RBPJ: variants seen among roughly 807,000 people sequenced by gnomAD.
The protein encoded by RBPJ is recombination signal binding protein for immunoglobulin kappa J region.
In RBPJ, 9 loss-of-function variants were observed where a neutral mutation model predicts 67.8. That is an observed-to-expected ratio of 0.13 (90% CI 0.08 to 0.23). The LOEUF is 0.23. Among genes scored for constraint, RBPJ ranks in the 10% least tolerant of loss-of-function variants. The pLI, the probability that RBPJ is intolerant of heterozygous loss-of-function variation, is 1.00. For synonymous variants in RBPJ, 198 were observed against 203.3 expected (o/e 0.97, Z 0.22); for missense variants, 305 against 595.6 (o/e 0.51, Z 5.08).
At chr4:26,341,527 T>A (rs904111612) in intron 1 of RBPJ, among the ~76,000 whole-genome samples, 1 of 151,912 alleles carries the variant, frequency 6.6e-6, no homozygotes, top group Non-Finnish European at 1.5e-5. Context: ...GACAGAAGAA[T>A]CACTTGTTAC....
intron 1 of RBPJ, among the ~76,000 whole-genome samples, chr4:26,361,409 A>C (rs1373780283): frequency 6.6e-6 from 1 of 152,186 alleles, no homozygotes; most frequent in Non-Finnish European, 1.5e-5. Flanking sequence ...CATCAGTTAC[A>C]TCTACTCTTT....
chr4:26,319,824 A>T (rs758620188), upstream of RBPJ: 1 of 1,540,786 alleles, frequency 6.5e-7, no homozygotes, highest in Non-Finnish European at 9.0e-7. Flanking sequence ...TGCGGGAGGC[A>T]GTGCTGGATC....
intron 1 of RBPJ, among the ~76,000 whole-genome samples, chr4:26,344,515 G>A (rs903406557): frequency 6.6e-6 from 1 of 152,172 alleles, no homozygotes; most frequent in Non-Finnish European, 1.5e-5. Context: ...GATTACAGGC[G>A]TGAGCCACCG....
intron 7 of RBPJ, among the ~76,000 whole-genome samples, chr4:26,425,722 A>G (rs1735586208): frequency 6.6e-6 from 1 of 152,208 alleles, no homozygotes; most frequent in Non-Finnish European, 1.5e-5. Flanking sequence ...TCCTTTTCTC[A>G]AACAATATAA....
intron 1 of RBPJ, among the ~76,000 whole-genome samples, chr4:26,206,117 A>T (rs1718161761): frequency 6.6e-6 from 1 of 152,178 alleles, no homozygotes; most frequent in Non-Finnish European, 1.5e-5. Flanking sequence ...CTTCTAGAAA[A>T]TCCCAACTGC....
chr4:26,429,309 A>G lies in RBPJ; in HGVS notation c.888+449A>G, dbSNP rs573225661. ...GAAAGCTAATGTTTTACATTTACTC[A>G]GAAGGCTTTCATGAGGTTATGACAT... On this transcript the variant is annotated intron_variant, in intron 8 of 10. Transcript: ENST00000355476. 3.2e-4 allele frequency among the ~76,000 whole-genome samples: 49 copies of G among 152,376 alleles called. 1 individual carries two copies. Among genetic ancestry groups the G allele is most frequent in the Non-Finnish European group, 6.0e-4 (41 of 68,044 alleles).
intron 1 of RBPJ, among the ~76,000 whole-genome samples, chr4:26,342,492 T>C (rs1294198068): frequency 1.3e-5 from 2 of 152,208 alleles, no homozygotes; most frequent in South Asian, 2.1e-4. Context: ...TAGTGTAATT[T>C]AGTATGTGGT....
At chr4:26,210,763 CT>C (rs1560212248) in intron 1 of RBPJ, among the ~76,000 whole-genome samples, 45 of 115,654 alleles carry the variant, frequency 3.9e-4, no homozygotes, top group South Asian at 5.6e-4. Context: ...TTCTTTCTTT[CT>C]TTCTTTCTTT....
chr4:26,299,672 C>CTTTTTTTT (rs397879662), intron 1 of RBPJ, among the ~76,000 whole-genome samples: 2 of 85,292 alleles, frequency 2.3e-5, no homozygotes, highest in South Asian at 4.1e-4. Context: ...AGACTGTGTG[C>CTTTTTTTT]TTTTTTTTTT....
At chr4:26,224,588 C>A (rs1032548845) in intron 1 of RBPJ, among the ~76,000 whole-genome samples, 1 of 152,084 alleles carries the variant, frequency 6.6e-6, no homozygotes, top group African/African-American at 2.4e-5. Context: ...GAACTCCTGA[C>A]CTCAAGAGAT....
At chr4:26,308,056 C>A (rs1210532277) in intron 1 of RBPJ, among the ~76,000 whole-genome samples, 1 of 152,194 alleles carries the variant, frequency 6.6e-6, no homozygotes, top group African/African-American at 2.4e-5. Flanking sequence ...GCAGGCGGAT[C>A]ATGAGGTCAG....
At chr4:26,162,446 C>G (rs529022263), upstream of RBPJ, among the ~76,000 whole-genome samples, 2 of 152,368 alleles carry the variant, frequency 1.3e-5, no homozygotes, top group African/African-American at 4.8e-5. Context: ...CAAGGCCACT[C>G]TGCTAATTCA....
the RBPJ span, among the ~76,000 whole-genome samples, chr4:26,132,415 C>T: frequency 6.6e-5 from 10 of 151,878 alleles, no homozygotes; most frequent in African/African-American, 2.2e-4. Flanking sequence ...GTGTGCCCAC[C>T]TGAGCTCCCT....
At chr4:26,246,559 C>T (rs1374813462) in intron 1 of RBPJ, among the ~76,000 whole-genome samples, 1 of 152,188 alleles carries the variant, frequency 6.6e-6, no homozygotes, top group African/African-American at 2.4e-5. Context: ...ATGCCACTGA[C>T]ATTAACCAAG....
chr4:26,311,593 C>A (rs189087330), intron 1 of RBPJ, among the ~76,000 whole-genome samples: 1 of 151,944 alleles, frequency 6.6e-6, no homozygotes, highest in Non-Finnish European at 1.5e-5. Flanking sequence ...CTGTAATGTC[C>A]GCCTCTCATG....
At chr4:26,189,798 T>C (rs1241572670) in intron 1 of RBPJ, among the ~76,000 whole-genome samples, 1 of 152,252 alleles carries the variant, frequency 6.6e-6, no homozygotes, top group Non-Finnish European at 1.5e-5. Context: ...ATCTTAATAG[T>C]TCCAGAAAAC....
intron 2 of RBPJ, among the ~76,000 whole-genome samples, chr4:26,403,787 G>A (rs990679544): frequency 1.1e-4 from 16 of 151,890 alleles, no homozygotes; most frequent in Non-Finnish European, 1.5e-5. Flanking sequence ...GTCTGTCACT[G>A]ATGGGCATTT....
At chr4:26,404,392 C>T (rs762336018) in intron 2 of RBPJ, among the ~76,000 whole-genome samples, 1 of 152,162 alleles carries the variant, frequency 6.6e-6, no homozygotes, top group African/African-American at 2.4e-5. Context: ...CTTTTATCAT[C>T]ACCTGTTATG....
chr4:26,303,181 A>AAAATAAATAAATAAATAAAT (rs143814094), intron 1 of RBPJ, among the ~76,000 whole-genome samples: 2 of 138,378 alleles, frequency 1.4e-5, no homozygotes, highest in Non-Finnish European at 3.1e-5. Context: ...ACCCTGTCAA[A>AAAATAAATAAATAAATAAAT]AAATAAATAA....
Sources: allele counts gnomAD v4.1 joint callset (sites outside exome capture counted in the v4.1 genomes callset), GRCh38; gene constraint gnomAD v4.1.1; transcripts MANE v1.5; gene names NCBI Gene and HGNC (gene_info 2026-07-23, HGNC 2026-07-21).